The following MAF variants were observed in gnomAD, a reference collection of about 807,000 sequenced individuals.
MAF encodes the protein transcription factor Maf.
In MAF, 10 loss-of-function variants were observed where a neutral mutation model predicts 22.0. The ratio of observed to expected loss-of-function variants is 0.45; its 90% confidence interval spans 0.28 to 0.77. The LOEUF is 0.77. MAF is among the 30% of genes least tolerant of loss of function. The probability of loss-of-function intolerance (pLI) is 0.12; values close to 1 mark genes in which losing one functional copy is unlikely to be tolerated. For missense variants in MAF, 544 were observed against 548.4 expected, an observed-to-expected ratio of 0.99 and a Z score of 0.08; for synonymous variants, 337 against 255.8, an observed-to-expected ratio of 1.32 and a Z score of -3.03.
the MAF span, among the ~76,000 whole-genome samples, chr16:79,499,471 G>A: frequency 6.6e-6 from 1 of 152,182 alleles, no homozygotes; most frequent in Non-Finnish European, 1.5e-5. Context: ...GGATCTGAAT[G>A]TTCATGTTTC....
the MAF span, among the ~76,000 whole-genome samples, chr16:79,531,811 C>A: frequency 6.6e-6 from 1 of 152,128 alleles, no homozygotes; most frequent in Non-Finnish European, 1.5e-5. Flanking sequence ...AGGCCACAGA[C>A]TGGTACTGGT....
the MAF span, among the ~76,000 whole-genome samples, chr16:79,543,287 G>A: frequency 6.6e-6 from 1 of 152,296 alleles, no homozygotes; most frequent in East Asian, 1.9e-4. Context: ...TAGCTAGAAT[G>A]GGATTTTAAG....
At chr16:79,507,702 G>A in the MAF span, among the ~76,000 whole-genome samples, 2 of 152,178 alleles carry the variant, frequency 1.3e-5, no homozygotes, top group Non-Finnish European at 2.9e-5. Flanking sequence ...TGGTATTACA[G>A]GCGTGAGCCA....
At chr16:79,289,449 C>G in the MAF span, among the ~76,000 whole-genome samples, 1 of 152,220 alleles carries the variant, frequency 6.6e-6, no homozygotes, top group South Asian at 2.1e-4. Flanking sequence ...TTTGGCTACC[C>G]ACCGTGAGAG....
the MAF span, among the ~76,000 whole-genome samples, chr16:79,402,343 G>A: frequency 5.3e-5 from 8 of 152,320 alleles, no homozygotes; most frequent in South Asian, 8.3e-4. Context: ...GAGAGAAAGC[G>A]AGCAGGAGAC....
the MAF span, among the ~76,000 whole-genome samples, chr16:79,265,378 A>G: frequency 0.23 from 34,559 of 152,004 alleles, 4,217 homozygotes; most frequent in African/African-American, 0.3. Flanking sequence ...GGTTGTGGCA[A>G]TGACTGACCT....
the MAF span, among the ~76,000 whole-genome samples, chr16:79,221,271 C>G: frequency 6.6e-6 from 1 of 152,136 alleles, no homozygotes; most frequent in Non-Finnish European, 1.5e-5. Context: ...GCTTTGTGCT[C>G]TTCTTATTAT....
At chr16:79,214,738 A>G in the MAF span, among the ~76,000 whole-genome samples, 9 of 80,574 alleles carry the variant, frequency 1.1e-4, no homozygotes, top group African/African-American at 4.0e-4. Context: ...TTTGAGACAG[A>G]ATCTCACTCT....
the MAF span, among the ~76,000 whole-genome samples, chr16:79,461,428 T>A: frequency 6.6e-6 from 1 of 152,140 alleles, no homozygotes; most frequent in Non-Finnish European, 1.5e-5. Context: ...GCTCCATACT[T>A]GTCTGCATCC....
the MAF span, among the ~76,000 whole-genome samples, chr16:79,297,198 G>A: frequency 2.0e-5 from 3 of 152,176 alleles, no homozygotes; most frequent in Admixed American, 6.5e-5. Context: ...ATATTATGGG[G>A]TAGCAAAGGG....
At chr16:79,509,180 T>G in the MAF span, among the ~76,000 whole-genome samples, 1 of 152,188 alleles carries the variant, frequency 6.6e-6, no homozygotes, top group African/African-American at 2.4e-5. Context: ...TGAAACCATC[T>G]CCGAGGCGTG....
chr16:79,347,599 C>T, the MAF span, among the ~76,000 whole-genome samples: 1 of 152,140 alleles, frequency 6.6e-6, no homozygotes, highest in African/African-American at 2.4e-5. Context: ...GGAACAAAAG[C>T]GGCAGGGGAG....
At chr16:79,266,126 G>C in the MAF span, among the ~76,000 whole-genome samples, 7 of 151,770 alleles carry the variant, frequency 4.6e-5, no homozygotes, top group Non-Finnish European at 5.9e-5. Context: ...CTCCTGACTT[G>C]ACCTCCCAAA....
At chr16:79,432,287 A>C in the MAF span, among the ~76,000 whole-genome samples, 3 of 152,154 alleles carry the variant, frequency 2.0e-5, no homozygotes, top group Admixed American at 6.5e-5. Flanking sequence ...CTCCCTAGCC[A>C]TGCGGATCTG....
the MAF span, among the ~76,000 whole-genome samples, chr16:79,559,478 G>A: frequency 5.9e-5 from 9 of 152,222 alleles, no homozygotes; most frequent in East Asian, 1.9e-4. Flanking sequence ...CCCAAGAGGC[G>A]CACATCCCTA....
the MAF span, among the ~76,000 whole-genome samples, chr16:79,221,355 C>G: frequency 2.0e-5 from 3 of 152,118 alleles, no homozygotes; most frequent in Non-Finnish European, 2.9e-5. Flanking sequence ...GTCATGTTAC[C>G]GTTTTCTGAA....
the MAF span, among the ~76,000 whole-genome samples, chr16:79,310,009 A>C: frequency 8.3e-4 from 126 of 152,324 alleles, no homozygotes; most frequent in African/African-American, 2.9e-3. Context: ...TATCCATCAC[A>C]TGGCAAGCAG....
chr16:79,429,274 C>T, the MAF span, among the ~76,000 whole-genome samples: 4 of 152,320 alleles, frequency 2.6e-5, no homozygotes, highest in South Asian at 8.3e-4. Context: ...AAATATCCTG[C>T]CCTGCCCATG....
At chr16:79,369,624 C>T in the MAF span, among the ~76,000 whole-genome samples, 12 of 152,290 alleles carry the variant, frequency 7.9e-5, no homozygotes, top group East Asian at 5.8e-4. Flanking sequence ...GAGTTTGTGT[C>T]GATGGAAGCA....
Sources: allele counts gnomAD v4.1 joint callset (sites outside exome capture counted in the v4.1 genomes callset), GRCh38; gene constraint gnomAD v4.1.1; transcripts MANE v1.5; gene names NCBI Gene and HGNC (gene_info 2026-07-23, HGNC 2026-07-21).